The following ACTN1 variants were observed in gnomAD, a reference collection of about 807,000 sequenced individuals.
ACTN1 encodes alpha-actinin-1.
In ACTN1, 30 loss-of-function variants were observed where a neutral mutation model predicts 119.6. The ratio of observed to expected loss-of-function variants is 0.25; its 90% CI spans 0.19 to 0.34. The LOEUF is 0.34. Ranked by LOEUF, ACTN1 falls within the 10% of genes least tolerant of loss-of-function variation. ACTN1 has a pLI of 1.00. For missense variants in ACTN1, 764 were observed against 1,223.4 expected (o/e 0.62, Z 5.60); for synonymous variants, 429 against 472.6 (o/e 0.91, Z 1.20).
At chr14:68,904,858 T>A in intron 6 of ACTN1, 122 bp from the exon 7 acceptor site, 1 of 734,936 alleles carries the variant, frequency 1.4e-6, no homozygotes. Flanking sequence ...CCCAGCTCGA[T>A]CCTCAGGGGA....
intron 6 of ACTN1, among the ~76,000 whole-genome samples, chr14:68,907,941 C>T (rs1393606282): frequency 6.6e-6 from 1 of 152,138 alleles, no homozygotes; most frequent in African/African-American, 2.4e-5. Context: ...AAACTGCCAC[C>T]TGTAGAATAT....
intron 1 of ACTN1, among the ~76,000 whole-genome samples, chr14:68,958,526 A>G (rs1019222993): frequency 6.6e-6 from 1 of 152,194 alleles, no homozygotes; most frequent in East Asian, 1.9e-4. Context: ...CAATTAAAAA[A>G]AAAAACAGGT....
At position 68,978,458 on chromosome 14, in the gene ACTN1, G is replaced by A. The variant is rs2037147162; in HGVS notation, c.105+494C>T. ...CGGCGCTCTCCCCTCCGCCTAAGGG[G>A]CAGCAGGGTCCCGGGAGGCCCGCCG... On this transcript the variant is annotated intron_variant, in intron 1 of 21. Coordinates refer to ENST00000394419, the MANE Select transcript of ACTN1 (RefSeq NM_001130004.2). 1.1e-4 allele frequency: 38 copies of A among 334,974 alleles called. 1 individual carries two copies. Among genetic ancestry groups the A allele is most frequent in the South Asian group, 8.1e-4 (37 of 45,868 alleles). 20.8% of individuals were successfully genotyped at this position (334,974 alleles called of 1,614,324 possible). A position where few individuals can be genotyped will look rare whatever the true frequency, so the allele number is the denominator to read the frequency against.
intron 1 of ACTN1, among the ~76,000 whole-genome samples, chr14:68,961,481 G>C (rs765059522): frequency 6.6e-6 from 1 of 152,152 alleles, no homozygotes; most frequent in Non-Finnish European, 1.5e-5. Flanking sequence ...AGCAAGTAAG[G>C]CAAGCAGAGG....
rs979258827 is a variant in ACTN1 at position 68,909,756 on chromosome 14, A to C, written c.515+199T>G. On this transcript the variant is annotated intron_variant, in intron 5 of 21. Coordinates refer to ENST00000394419, the MANE Select transcript of ACTN1 (RefSeq NM_001130004.2). The surrounding 1 kb of genome is among the most constrained non-coding windows in gnomAD (Gnocchi z 4.1). ...ATCAACCAAAGTTATATCAGGCAGC[A>C]GCCCCATCTAAGACACTGCAGGGAG... Among the ~76,000 whole-genome samples the C allele has an allele frequency of 2.0e-5, 3 of 152,166 alleles. No homozygotes were observed. Among genetic ancestry groups the C allele is most frequent in the South Asian group, 2.1e-4 (1 of 4,828 alleles).
At chr14:68,919,090 C>T (rs1037182047) in intron 3 of ACTN1, among the ~76,000 whole-genome samples, 3 of 152,228 alleles carry the variant, frequency 2.0e-5, no homozygotes, top group Non-Finnish European at 2.9e-5. Flanking sequence ...CTGCCCTCCT[C>T]CCCTTTGGTA....
intron 1 of ACTN1, among the ~76,000 whole-genome samples, chr14:68,970,670 G>T (rs1212050491): frequency 6.6e-6 from 1 of 152,240 alleles, no homozygotes; most frequent in African/African-American, 2.4e-5. Flanking sequence ...CACCAGGAAC[G>T]TGGGACTGGG....
chr14:68,977,802 C>CCA (rs1244556866), intron 1 of ACTN1: 1 of 365,130 alleles, frequency 2.7e-6, no homozygotes, highest in Non-Finnish European at 5.5e-6. Context: ...CCATCCTGTC[C>CCA]CCCCCCCACC....
At position 68,951,095 on chromosome 14, in the gene ACTN1, T is replaced by C. The variant is rs2036149822; in HGVS notation, c.106-25423A>G. 2.6e-5 allele frequency among the ~76,000 whole-genome samples: 4 copies of C among 152,118 alleles called. No homozygotes were observed. The South Asian group carries it at 8.3e-4, about 32-fold the overall frequency. On this transcript the variant is annotated intron_variant, in intron 1 of 21. Transcript: ENST00000394419. The stretch of plus-strand genomic sequence containing the variant: ...GCAGGGCAGCTGGATAGCACAGGCC[T>C]TCCCTGGCCCCCCGCCCTTTGAGAA...
In ACTN1 at chr14:68,874,799, G is replaced by A. The variant is rs1000439473; in HGVS notation, c.*60C>T. On this transcript the variant is annotated 3_prime_UTR_variant, in exon 22 of 22. Transcript: ENST00000394419. ...AACCGAACCCAGGCAGGAGATGGGCGACGGCGGAGGTGCAAGGCAGGGCAC... is the reference window on the plus strand; with the variant it reads ...AACCGAACCCAGGCAGGAGATGGGCAACGGCGGAGGTGCAAGGCAGGGCAC... 6 of 1,440,516 alleles carry A rather than the reference G, an allele frequency of 4.2e-6. No individual in the cohort carries two copies. Among genetic ancestry groups the A allele is most frequent in the South Asian group, 3.2e-5 (2 of 62,924 alleles). 89.2% of individuals were successfully genotyped at this position (1,440,516 alleles called of 1,614,324 possible).
intron 1 of ACTN1, among the ~76,000 whole-genome samples, chr14:68,976,325 T>C (rs2037058071): frequency 6.6e-6 from 1 of 152,186 alleles, no homozygotes; most frequent in South Asian, 2.1e-4. Context: ...TGTCCACTTG[T>C]GGACTCTGGT....
chr14:68,951,431 G>A (rs1337901669), intron 1 of ACTN1, among the ~76,000 whole-genome samples: 3 of 152,168 alleles, frequency 2.0e-5, no homozygotes, highest in Admixed American at 2.0e-4. Context: ...GAAAAGGGGA[G>A]GCACAATGGA....
chr14:68,928,586 T>C (rs1200193801), intron 1 of ACTN1, among the ~76,000 whole-genome samples: 1 of 152,184 alleles, frequency 6.6e-6, no homozygotes, highest in African/African-American at 2.4e-5. Context: ...TTAACCTTCC[T>C]AAACTTCAGT....
chr14:68,964,374 C>T (rs2268966), intron 1 of ACTN1, among the ~76,000 whole-genome samples: 29,151 of 152,152 alleles, frequency 0.19, 2,980 homozygotes, highest in Non-Finnish European at 0.23. Flanking sequence ...TCAGTCTCCA[C>T]GACCAGAGAG....
intron 8 of ACTN1, among the ~76,000 whole-genome samples, chr14:68,899,483 C>T (rs2033160389): frequency 6.6e-6 from 1 of 150,998 alleles, no homozygotes; most frequent in African/African-American, 2.4e-5. Flanking sequence ...ACACCACACT[C>T]CCCATACACA....
chr14:68,888,156 C>G (rs999404239), intron 11 of ACTN1: 2 of 522,714 alleles, frequency 3.8e-6, no homozygotes, highest in Non-Finnish European at 7.1e-6. Context: ...CGAAACTGTG[C>G]TGCCTGGCCG....
Position 68,979,102 on chromosome 14 carries a change from C to G in ACTN1, c.-46G>C, listed in dbSNP as rs2037176699. On this transcript the variant is annotated 5_prime_UTR_variant, in exon 1 of 22. Transcript: ENST00000394419. ...GTCTGGATTTCTTCCTCCACCTTCTCTCTGAGCAACGGCTGCTGCCCTGGC... is the reference window on the plus strand; with the variant it reads ...GTCTGGATTTCTTCCTCCACCTTCTGTCTGAGCAACGGCTGCTGCCCTGGC... The G allele has an allele frequency of 7.7e-7, 1 of 1,304,664 alleles. No homozygotes were observed. Among genetic ancestry groups the G allele is most frequent in the Non-Finnish European group, 1.1e-6 (1 of 933,272 alleles). 80.8% of individuals were successfully genotyped at this position (1,304,664 alleles called of 1,614,324 possible).
Position 68,896,187 on chromosome 14 carries a change from A to T in ACTN1, c.763-2440T>A, listed in dbSNP as rs79311633. The stretch of plus-strand genomic sequence containing the variant: ...ATTACCTTCAGGAAGCAGGTTCCTG[A>T]AGTCCAGATTTGATTTTTCTAAAAA... On this transcript the variant is annotated intron_variant, in intron 8 of 21. Coordinates refer to ENST00000394419, the MANE Select transcript of ACTN1 (RefSeq NM_001130004.2). Among the ~76,000 whole-genome samples the T allele has an allele frequency of 1.3e-3, 203 of 152,178 alleles. 3 individuals carry two copies. In the East Asian group the frequency reaches 0.036, roughly 27 times the overall value.
chr14:68,882,461 C>A lies in ACTN1; in HGVS notation c.1950G>T (p.Met650Ile), dbSNP rs200299278. 1 of 1,614,090 alleles carries A rather than the reference C, an allele frequency of 6.2e-7. No individual in the cohort carries two copies. The highest frequency in any genetic ancestry group is 8.5e-7 in the Non-Finnish European group (1 of 1,179,946). The change falls in exon 16 of 22, where the codon ATG becomes ATT. Residue 650 changes from methionine (M) to isoleucine (I), a missense_variant. Physicochemically the swap from Met to Ile is conservative, Grantham distance 10 (BLOSUM62 1). Coordinates refer to ENST00000394419, the MANE Select transcript of ACTN1 (RefSeq NM_001130004.2). The surrounding 1 kb of genome is among the most constrained non-coding windows in gnomAD (Gnocchi z 4.5). ...NVIGPWIQTK[M>I]EEIGRISIEM... The stretch of plus-strand genomic sequence containing the variant: ...TGCTTCCCAGCATGGGACCCACCTC[C>A]ATCTTGGTCTGGATCCAGGGCCCGA...
Sources: allele counts gnomAD v4.1 joint callset (sites outside exome capture counted in the v4.1 genomes callset), GRCh38; gene constraint gnomAD v4.1.1; non-coding constraint Gnocchi (gnomAD v3.1); transcripts MANE v1.5; gene names NCBI Gene and HGNC (gene_info 2026-07-23, HGNC 2026-07-21).